CNTNAP2: variants seen among roughly 807,000 people sequenced by gnomAD.
The protein encoded by CNTNAP2 is contactin-associated protein-like 2.
CNTNAP2 carries 98 observed loss-of-function variants against 155.2 expected under a neutral mutation model. That is an observed-to-expected ratio of 0.63 (90% CI 0.54 to 0.75). The LOEUF (loss-of-function observed/expected upper bound fraction) is 0.75. Among genes scored for constraint, CNTNAP2 ranks in the 30% least tolerant of loss-of-function variants. The probability of loss-of-function intolerance (pLI) is 0.00; values close to 1 mark genes in which losing one functional copy is unlikely to be tolerated. For missense variants in CNTNAP2, 1,727 were observed against 1,688.1 expected, an observed-to-expected ratio of 1.02 and a Z score of -0.40; for synonymous variants, 651 against 631.2, an observed-to-expected ratio of 1.03 and a Z score of -0.47.
chr7:146,900,414 T>C (rs745563545), intron 3 of CNTNAP2, among the ~76,000 whole-genome samples: 5 of 152,240 alleles, frequency 3.3e-5, no homozygotes, highest in South Asian at 2.1e-4. Flanking sequence ...TTTGAAAGTT[T>C]TTCAAGAGGG....
At chr7:148,114,169 A>G (rs764838375) in intron 15 of CNTNAP2, among the ~76,000 whole-genome samples, 2 of 152,234 alleles carry the variant, frequency 1.3e-5, no homozygotes, top group Non-Finnish European at 2.9e-5. Context: ...TTGCAAATGC[A>G]TGGTATTGTT....
At chr7:147,343,203 T>C (rs947544163) in intron 9 of CNTNAP2, among the ~76,000 whole-genome samples, 2 of 152,136 alleles carry the variant, frequency 1.3e-5, no homozygotes, top group Admixed American at 1.3e-4. Context: ...CTTTCTTTGC[T>C]GCTGTTATTC....
intron 9 of CNTNAP2, among the ~76,000 whole-genome samples, chr7:147,315,759 G>A (rs566769672): frequency 4.9e-4 from 74 of 152,052 alleles, no homozygotes; most frequent in East Asian, 5.8e-4. Flanking sequence ...GATTACAGGC[G>A]TGAGCCACCA....
chr7:146,662,809 A>AT (rs917087017), intron 1 of CNTNAP2, among the ~76,000 whole-genome samples: 3 of 152,130 alleles, frequency 2.0e-5, no homozygotes, highest in Non-Finnish European at 4.4e-5. Flanking sequence ...GTAATTGAAC[A>AT]TTTTTTTAAA....
At chr7:148,149,991 C>T (rs191345197) in intron 17 of CNTNAP2, among the ~76,000 whole-genome samples, 1 of 151,288 alleles carries the variant, frequency 6.6e-6, no homozygotes, top group African/African-American at 2.4e-5. Flanking sequence ...ATTCCTGTCA[C>T]CTTAAAGGGA....
chr7:148,199,586 C>T (rs927406143), intron 18 of CNTNAP2, among the ~76,000 whole-genome samples: 2 of 152,148 alleles, frequency 1.3e-5, no homozygotes, highest in East Asian at 3.8e-4. Flanking sequence ...CTCTATATAG[C>T]TGTACTGTCT....
intron 14 of CNTNAP2, among the ~76,000 whole-genome samples, chr7:147,973,496 C>A (rs1801373005): frequency 6.6e-6 from 1 of 152,152 alleles, no homozygotes. Flanking sequence ...TTCAATATAG[C>A]ATTACAAACA....
At chr7:147,583,834 C>G (rs1200188722) in intron 12 of CNTNAP2, among the ~76,000 whole-genome samples, 3 of 152,066 alleles carry the variant, frequency 2.0e-5, no homozygotes, top group African/African-American at 7.2e-5. Context: ...ATTTCAACAT[C>G]TCTGAAATCA....
At chr7:146,240,986 C>T (rs1209394081) in intron 1 of CNTNAP2, among the ~76,000 whole-genome samples, 1 of 152,120 alleles carries the variant, frequency 6.6e-6, no homozygotes, top group Non-Finnish European at 1.5e-5. Context: ...TTGAACATCA[C>T]ATGGAAAGAG....
intron 10 of CNTNAP2, among the ~76,000 whole-genome samples, chr7:147,406,407 AT>A (rs921867769): frequency 6.6e-6 from 1 of 152,150 alleles, no homozygotes; most frequent in African/African-American, 2.4e-5. Flanking sequence ...GGAGTCATAG[AT>A]TTTTCTATGC....
chr7:146,937,224 TA>T (rs976018084), intron 3 of CNTNAP2, among the ~76,000 whole-genome samples: 14 of 150,680 alleles, frequency 9.3e-5, no homozygotes, highest in South Asian at 2.1e-4. Context: ...CGTCTCTACT[TA>T]AAAAAAATAG....
intron 4 of CNTNAP2, among the ~76,000 whole-genome samples, chr7:147,101,711 GC>G (rs1173450133): frequency 6.6e-6 from 1 of 152,036 alleles, no homozygotes; most frequent in Non-Finnish European, 1.5e-5. Flanking sequence ...CCACCCCACG[GC>G]CATTCTCCTA....
intron 15 of CNTNAP2, among the ~76,000 whole-genome samples, chr7:148,106,457 C>T (rs897452706): frequency 2.0e-5 from 3 of 148,482 alleles, no homozygotes; most frequent in African/African-American, 7.7e-5. Context: ...GAGTCACCCC[C>T]ACCCCCATGG....
At chr7:146,904,674 T>G (rs1459747445) in intron 3 of CNTNAP2, among the ~76,000 whole-genome samples, 1 of 152,108 alleles carries the variant, frequency 6.6e-6, no homozygotes, top group Non-Finnish European at 1.5e-5. Flanking sequence ...GGTTTCACTG[T>G]ATTAGCCAGG....
At chr7:148,056,530 A>C (rs1183813904) in intron 15 of CNTNAP2, 1 of 152,206 alleles carries the variant, frequency 6.6e-6, no homozygotes, top group Non-Finnish European at 1.5e-5. Flanking sequence ...CTGAAATCCC[A>C]AGTAGGAGTG....
chr7:148,285,586 A>T (rs899765035), intron 21 of CNTNAP2, among the ~76,000 whole-genome samples: 4 of 152,272 alleles, frequency 2.6e-5, no homozygotes, highest in Non-Finnish European at 5.9e-5. Flanking sequence ...GCACTACATT[A>T]TCACTAATTC....
At chr7:146,894,521 C>T (rs1361209262) in intron 3 of CNTNAP2, among the ~76,000 whole-genome samples, 2 of 152,072 alleles carry the variant, frequency 1.3e-5, no homozygotes, top group East Asian at 1.9e-4. Flanking sequence ...ATCTTTTGTA[C>T]ATGAATTCCT....
intron 1 of CNTNAP2, among the ~76,000 whole-genome samples, chr7:146,646,967 T>C (rs1250320142): frequency 6.6e-6 from 1 of 152,102 alleles, no homozygotes; most frequent in Non-Finnish European, 1.5e-5. Flanking sequence ...AGAGAAACAA[T>C]GGGCAATGAT....
chr7:147,086,855 G>T (rs979494810), intron 4 of CNTNAP2, among the ~76,000 whole-genome samples: 4 of 152,178 alleles, frequency 2.6e-5, no homozygotes, highest in African/African-American at 9.7e-5. Flanking sequence ...TATAATTATT[G>T]TCAAAGCAAA....
Sources: allele counts gnomAD v4.1 joint callset (sites outside exome capture counted in the v4.1 genomes callset), GRCh38; gene constraint gnomAD v4.1.1; transcripts MANE v1.5; gene names NCBI Gene and HGNC (gene_info 2026-07-23, HGNC 2026-07-21).